OBSL1: variants seen among roughly 807,000 people sequenced by gnomAD.
The protein encoded by OBSL1 is obscurin like cytoskeletal adaptor 1.
In OBSL1, 160 loss-of-function variants were observed where a neutral mutation model predicts 172.0. That is an observed-to-expected ratio of 0.93 (90% CI 0.82 to 1.06). The LOEUF is 1.06. Ranked by LOEUF, OBSL1 falls within the 50% of genes least tolerant of loss-of-function variation. The pLI, the probability that OBSL1 is intolerant of heterozygous loss-of-function variation, is 0.00. For missense variants in OBSL1, 2,681 were observed against 2,715.4 expected (o/e 0.99, Z 0.28); for synonymous variants, 1,200 against 1,196.3 (o/e 1.00, Z -0.06).
In OBSL1 at chr2:219,552,573, C is replaced by G. The variant is rs1439939079; in HGVS notation, c.5271G>C (p.Pro1757=). 6.3e-7 allele frequency: 1 copy of G among 1,594,378 alleles called. No individual in the cohort carries two copies. The highest frequency in any genetic ancestry group is 8.5e-7 in the Non-Finnish European group (1 of 1,176,780). The stretch of plus-strand genomic sequence containing the variant: ...TGCGGACGCGGGCTCCGGGTCTCAG[C>G]GGGCGGCCTCCGAGCTCCCAGCGCC... ...TTGRWELGGR[P]LRPGARVRIR... The change falls in exon 18 of 21, where the codon CCG becomes CCC. Residue 1757 remains proline (P), a synonymous_variant. Transcript: ENST00000404537.
chr2:219,547,429 T>C, downstream of OBSL1: 2 of 1,198,776 alleles, frequency 1.7e-6, no homozygotes, highest in Non-Finnish European at 1.1e-6. Flanking sequence ...GGATCCCATG[T>C]CCTTGACCCC....
intron 16 of OBSL1, 33 bp from the exon 17 acceptor site, chr2:219,553,057 G>T: frequency 6.9e-7 from 1 of 1,444,744 alleles, no homozygotes; most frequent in Non-Finnish European, 9.0e-7. Context: ...GTCGGGGCGA[G>T]CCCGGCTGGG....
Position 219,559,427 on chromosome 2 carries a change from C to T in OBSL1, c.3024G>A (p.Val1008=). 2 of 1,613,892 alleles carry T rather than the reference C, an allele frequency of 1.2e-6. No homozygotes were observed. ...CCTCCCGAGACAGTTCACACATCAGCACCACACACTCCAAGGTCACGGCGA... is the reference window on the plus strand; with the variant it reads ...CCTCCCGAGACAGTTCACACATCAGTACCACACACTCCAAGGTCACGGCGA... ...TLIAVTLECV[V]LMCELSREDA... The change falls in exon 9 of 21, where the codon GTG becomes GTA. Residue 1008 remains valine, a synonymous_variant. Coordinates refer to ENST00000404537, the MANE Select transcript of OBSL1 (RefSeq NM_015311.3).
chr2:219,570,143 G>A, intron 1 of OBSL1, 78 bp downstream of exon 1: 1 of 1,290,024 alleles, frequency 7.8e-7, no homozygotes, highest in Non-Finnish European at 1.0e-6. Context: ...GGCAGCGCTG[G>A]GCACCGAGGA....
chr2:219,552,754 C>T, intron 17 of OBSL1, 57 bp from the exon 18 acceptor site: 1 of 1,512,480 alleles, frequency 6.6e-7, no homozygotes, highest in Non-Finnish European at 8.9e-7. Flanking sequence ...ACCGGTCACG[C>T]CCCCTCCACG....
chr2:219,552,290 C>G (rs1574517452), intron 18 of OBSL1, 74 bp from the exon 19 acceptor site: 2 of 1,379,336 alleles, frequency 1.4e-6, no homozygotes, highest in East Asian at 5.0e-5. Flanking sequence ...GGGGGCCCAG[C>G]AGGCCCCTGG....
chr2:219,556,247 T>A lies in OBSL1; in HGVS notation c.4382A>T (p.Glu1461Val), dbSNP rs1392607747. ...TTCGAGACACACATCCTGGCCTTCC[T>A]CTGCCCGCACATCCTGCAACCGCCG... ...FLRRLQDVRA[E>V]EGQDVCLEVE... The change falls in exon 14 of 21, where the codon GAG becomes GTG. Residue 1461 changes from glutamate to valine, a missense_variant. Transcript: ENST00000404537. 2.5e-6 allele frequency: 4 copies of A among 1,599,476 alleles called. No individual in the cohort carries two copies. The highest frequency in any genetic ancestry group is 3.4e-6 in the Non-Finnish European group (4 of 1,169,698).
rs890877406 is a variant in OBSL1 at position 219,566,757 on chromosome 2, T to C, written c.2134+73A>G. 1.9e-5 allele frequency: 28 copies of C among 1,447,250 alleles called. No homozygotes were observed. In the African/African-American group the frequency reaches 3.8e-4, roughly 20 times the overall value. 89.7% of individuals were successfully genotyped at this position (1,447,250 alleles called of 1,614,324 possible). A position where few individuals can be genotyped will look rare whatever the true frequency, so the allele number is the denominator to read the frequency against. ...CCAGATACAAGAAATAAAAACAGCA[T>C]CTGCCTCGTTTTGCCAACAGGACTT... On this transcript the variant is annotated intron_variant, in intron 5 of 20. Coordinates refer to ENST00000404537, the MANE Select transcript of OBSL1 (RefSeq NM_015311.3).
intron 8 of OBSL1, among the ~76,000 whole-genome samples, chr2:219,561,386 G>A (rs1236575205): frequency 2.0e-5 from 3 of 152,092 alleles, no homozygotes; most frequent in Non-Finnish European, 4.4e-5. Flanking sequence ...TTCCACAGTT[G>A]TCCTGTGCTT....
downstream of OBSL1, chr2:219,547,464 T>G: frequency 7.2e-7 from 1 of 1,389,174 alleles, no homozygotes; most frequent in South Asian, 2.1e-5. Flanking sequence ...TCCAGCCTGG[T>G]GCCCTCATCT....
Position 219,565,349 on chromosome 2 carries a change from T to A in OBSL1, c.2300A>T (p.Asp767Val). 6.2e-7 allele frequency: 1 copy of A among 1,613,998 alleles called. No homozygotes were observed. Among genetic ancestry groups the A allele is most frequent in the East Asian group, 2.2e-5 (1 of 44,882 alleles). Reference sequence around the variant, plus strand: ...CAGGATCAGACGGTGTTTGCGCCCATCCATCTTCACCACCAGCAACTCGCT... The same window carrying A: ...CAGGATCAGACGGTGTTTGCGCCCAACCATCTTCACCACCAGCAACTCGCT... The part of the protein sequence containing the change: ...EESELLVVKM[D>V]GRKHRLILPE... Residue 767 changes from aspartate to valine, a missense_variant, in exon 6 of 21, where the codon GAT (aspartate) becomes GTT (valine). Coordinates refer to ENST00000404537, the MANE Select transcript of OBSL1 (RefSeq NM_015311.3).
chr2:219,570,911 C>A lies in OBSL1; in HGVS notation c.322G>T (p.Asp108Tyr). The change falls in exon 1 of 21, where the codon GAC becomes TAC. Residue 108 changes from aspartate (D) to tyrosine (Y), a missense_variant. Physicochemically the swap from Asp to Tyr is radical, Grantham distance 160. Around this residue, in one of 5 missense-constraint regions of OBSL1, gnomAD observed 67 missense variants for 109.3 expected, o/e 0.61. Transcript: ENST00000404537. ...CGCTCGGCGGGCTGCAGCTCGGGGTCGGAGGCCGGCGGCTCCAGCACGGTG... is the reference window on the plus strand; with the variant it reads ...CGCTCGGCGGGCTGCAGCTCGGGGTAGGAGGCCGGCGGCTCCAGCACGGTG... ...AVTVLEPPASDPELQPAERPL... is the reference protein window; with the variant it reads ...AVTVLEPPASYPELQPAERPL... 7.6e-7 allele frequency: 1 copy of A among 1,307,658 alleles called. No individual in the cohort carries two copies. Among genetic ancestry groups the A allele is most frequent in the South Asian group, 2.4e-5 (1 of 41,232 alleles). The allele number at this position is 1,307,658 out of a possible 1,614,324, so 81.0% of individuals were successfully genotyped here.
At chr2:219,557,658 TCA>T in intron 11 of OBSL1, 40 bp from the exon 12 acceptor site, 1 of 1,510,282 alleles carries the variant, frequency 6.6e-7, no homozygotes, top group Non-Finnish European at 8.9e-7. Flanking sequence ...AGGGAGAGGC[TCA>T]GGGCTTTGAG....
Position 219,567,059 on chromosome 2 carries a change from G to C in OBSL1, c.1905C>G (p.Phe635Leu), listed in dbSNP as rs1462176572. 1.2e-6 allele frequency: 2 copies of C among 1,613,328 alleles called. No homozygotes were observed. The highest frequency in any genetic ancestry group is 4.5e-5 in the East Asian group (2 of 44,878). The change falls in exon 5 of 21, where the codon TTC becomes TTG. Residue 635 changes from phenylalanine to leucine, a missense_variant. Phe to Leu is a conservative substitution (Grantham distance 22). Transcript: ENST00000404537. ...VQVYDGEDAV[F>L]SLDLSTIIQG... ...GGATGATGGTGGAGAGATCGAGGGA[G>C]AAGACGGCATCTTCCCCGTCGTATA... is the stretch of plus-strand genomic sequence containing the variant.
chr2:219,566,608 A>T (rs188929080), intron 5 of OBSL1, among the ~76,000 whole-genome samples: 38 of 152,328 alleles, frequency 2.5e-4, no homozygotes, highest in African/African-American at 8.7e-4. Flanking sequence ...GAATTGGGAT[A>T]TGATGCTGAC....
At chr2:219,561,929 G>C in intron 8 of OBSL1, 1 of 717,528 alleles carries the variant, frequency 1.4e-6, no homozygotes, top group Non-Finnish European at 2.6e-6. Context: ...AGCGGGACCA[G>C]AGCCGCCGGG....
At chr2:219,552,019 G>A (rs1695649431) in intron 19 of OBSL1, 93 bp downstream of exon 19, 2 of 1,279,646 alleles carry the variant, frequency 1.6e-6, no homozygotes, top group Non-Finnish European at 2.2e-6. Context: ...GGAAGAGAGA[G>A]GCAGCGTTCT....
chr2:219,565,574 A>G, intron 5 of OBSL1, 60 bp from the exon 6 acceptor site: 1 of 1,544,468 alleles, frequency 6.5e-7, no homozygotes, highest in Admixed American at 1.7e-5. Context: ...TCAGTGTCGG[A>G]TGCATCAGAG....
chr2:219,562,413 A>T lies in OBSL1; in HGVS notation c.2942T>A (p.Val981Asp), dbSNP rs1467633227. Residue 981 changes from valine (V) to aspartate (D), a missense_variant, in exon 8 of 21, where the codon GTC becomes GAC. Physicochemically the swap from Val to Asp is radical, Grantham distance 152. Around this residue, in one of 5 missense-constraint regions of OBSL1, gnomAD observed 1,765 missense variants for 1,748.3 expected, o/e 1.01. Transcript: ENST00000404537. Reference sequence around the variant, plus strand: ...GGCTGGGCCCACACCTGTGACGGTGACAGTGAAGGAGGCCGACTCATCGTC... The same window carrying T: ...GGCTGGGCCCACACCTGTGACGGTGTCAGTGAAGGAGGCCGACTCATCGTC... ...EIDDESASFTVTVTEPPVRII... is the reference protein window; with the variant it reads ...EIDDESASFTDTVTEPPVRII... 1 of 1,613,480 alleles carries T rather than the reference A, an allele frequency of 6.2e-7. No homozygotes were observed. The highest frequency in any genetic ancestry group is 1.7e-5 in the Admixed American group (1 of 60,016).
Sources: gnomAD v4.1 joint callset for allele counts (sites outside exome capture counted in the v4.1 genomes callset) on GRCh38, gnomAD v4.1.1 for gene constraint, gnomAD v4.1.1 regional missense constraint, MANE v1.5 for transcripts, NCBI Gene and HGNC (gene_info 2026-07-23, HGNC 2026-07-21) for gene names.